Variants in CSGALNACT1 observed in about 807,000 individuals in gnomAD.
CSGALNACT1 encodes chondroitin sulfate N-acetylgalactosaminyltransferase 1, also known as beta4GalNAcT-1.
A neutral mutation model predicts 51.0 loss-of-function variants in CSGALNACT1; 52 were observed. The observed-to-expected ratio is 1.02, with a 90% CI of 0.82 to 1.29. The LOEUF is 1.29. Among genes scored for constraint, CSGALNACT1 ranks in the 50% most tolerant of loss-of-function variants. The pLI is 0.00. For synonymous variants in CSGALNACT1, 341 were observed against 254.4 expected (o/e 1.34, Z -3.24); for missense variants, 935 against 679.2 (o/e 1.38, Z -4.19).
At chr8:19,597,438 G>A (rs2049195115) in intron 2 of CSGALNACT1, among the ~76,000 whole-genome samples, 1 of 151,772 alleles carries the variant, frequency 6.6e-6, no homozygotes, top group South Asian at 2.1e-4. Context: ...GGGACTACAG[G>A]CATGAGCCAC....
In CSGALNACT1 at chr8:19,511,657, C is replaced by T. The variant is rs545542180; in HGVS notation, c.-296-5527G>A. On this transcript the variant is annotated intron_variant, in intron 3 of 9. Transcript: ENST00000454498. ...GGTCCCTGCCTCCTGGTATTCATAC[C>T]ACTGTGTGTCTGCTCCCACACTGTA... Among the ~76,000 whole-genome samples the T allele has an allele frequency of 1.6e-4, 25 of 152,238 alleles. No homozygotes were observed. The East Asian group carries it at 3.9e-3, about 24-fold the overall frequency.
At chr8:19,570,530 G>T (rs1280006052) in intron 3 of CSGALNACT1, among the ~76,000 whole-genome samples, 3 of 152,114 alleles carry the variant, frequency 2.0e-5, no homozygotes, top group Non-Finnish European at 2.9e-5. Flanking sequence ...AGAAAGGAGT[G>T]GTACCTCTGA....
chr8:19,448,744 C>T (rs1399354808), intron 5 of CSGALNACT1, among the ~76,000 whole-genome samples: 1 of 152,186 alleles, frequency 6.6e-6, no homozygotes, highest in Non-Finnish European at 1.5e-5. Context: ...CATCACCATT[C>T]TTTCCTGAGT....
chr8:19,577,059 C>G (rs958606567), intron 3 of CSGALNACT1, among the ~76,000 whole-genome samples: 4 of 149,080 alleles, frequency 2.7e-5, no homozygotes, highest in African/African-American at 1.0e-4. Flanking sequence ...CTCTGCTCCC[C>G]TTTGGGAAAG....
intron 4 of CSGALNACT1, among the ~76,000 whole-genome samples, chr8:19,461,583 T>C (rs1304962857): frequency 5.3e-5 from 7 of 131,342 alleles, no homozygotes; most frequent in African/African-American, 1.8e-4. Flanking sequence ...ACATTCACCA[T>C]GGGGGGCGTA....
exon 4 of CSGALNACT1, chr8:19,505,878 G>T: frequency 6.2e-7 from 1 of 1,601,864 alleles, no homozygotes; most frequent in Non-Finnish European, 8.5e-7. Flanking sequence ...ATCCCTCAAA[G>T]CCGGGGCCCC....
chr8:19,461,378 G>C (rs75767480), intron 4 of CSGALNACT1, among the ~76,000 whole-genome samples: 3,219 of 152,292 alleles, frequency 0.021, 99 homozygotes, highest in African/African-American at 0.073. Flanking sequence ...AATGAGGTGG[G>C]GCTGAGTCTG....
chr8:19,408,034 T>A (rs2054692634), intron 9 of CSGALNACT1, among the ~76,000 whole-genome samples: 1 of 152,130 alleles, frequency 6.6e-6, no homozygotes, highest in African/African-American at 2.4e-5. Context: ...TGGGTCTTTT[T>A]GAATATGTGC....
At chr8:19,563,738 C>T (rs983321557) in intron 3 of CSGALNACT1, among the ~76,000 whole-genome samples, 4 of 152,134 alleles carry the variant, frequency 2.6e-5, no homozygotes, top group Non-Finnish European at 5.9e-5. Flanking sequence ...TCAGCGGATC[C>T]AGCCTCCTAA....
intron 2 of CSGALNACT1, among the ~76,000 whole-genome samples, chr8:19,600,178 G>C (rs2050098474): frequency 6.6e-6 from 1 of 152,092 alleles, no homozygotes; most frequent in African/African-American, 2.4e-5. Flanking sequence ...CACCTCCCCT[G>C]TTCAAGCGAT....
intron 1 of CSGALNACT1, among the ~76,000 whole-genome samples, chr8:19,755,663 A>C (rs997023474): frequency 6.6e-6 from 1 of 152,154 alleles, no homozygotes; most frequent in African/African-American, 2.4e-5. Context: ...TAAGTGGAAG[A>C]AGCCGCCTGG....
intron 3 of CSGALNACT1, among the ~76,000 whole-genome samples, chr8:19,575,258 T>C (rs1371176187): frequency 1.3e-5 from 2 of 152,240 alleles, no homozygotes; most frequent in Non-Finnish European, 2.9e-5. Context: ...TACCACTAGC[T>C]GCACTCTGGT....
intron 1 of CSGALNACT1, among the ~76,000 whole-genome samples, chr8:19,624,746 T>G (rs1392273591): frequency 6.6e-6 from 1 of 151,894 alleles, no homozygotes; most frequent in Non-Finnish European, 1.5e-5. Context: ...TGGCGAGATC[T>G]CAGCTCACTG....
At chr8:19,701,914 CATCTT>C (rs752385843) in intron 1 of CSGALNACT1, among the ~76,000 whole-genome samples, 29 of 152,170 alleles carry the variant, frequency 1.9e-4, no homozygotes, top group Non-Finnish European at 3.4e-4. Context: ...CAGATATACT[CATCTT>C]AAAGCAGCTT....
chr8:19,480,183 G>A (rs1468113768), intron 4 of CSGALNACT1, among the ~76,000 whole-genome samples: 3 of 152,126 alleles, frequency 2.0e-5, no homozygotes, highest in African/African-American at 7.2e-5. Flanking sequence ...TCTGCCCCAG[G>A]AATTTATTGT....
chr8:19,752,440 T>C (rs1281020718), intron 1 of CSGALNACT1, among the ~76,000 whole-genome samples: 3 of 152,206 alleles, frequency 2.0e-5, no homozygotes, highest in Admixed American at 2.0e-4. Flanking sequence ...TATGTTGACC[T>C]ATTGACTGAT....
intron 1 of CSGALNACT1, among the ~76,000 whole-genome samples, chr8:19,624,705 G>A (rs919636089): frequency 6.6e-6 from 1 of 150,712 alleles, no homozygotes; most frequent in African/African-American, 2.5e-5. Context: ...TTGAGACAGA[G>A]TCTCGCTCTG....
chr8:19,619,282 A>C (rs796887987), intron 1 of CSGALNACT1, among the ~76,000 whole-genome samples: 4 of 151,782 alleles, frequency 2.6e-5, no homozygotes, highest in African/African-American at 9.7e-5. Context: ...AAGCACAGAC[A>C]TGAGAAAGCA....
intron 5 of CSGALNACT1, among the ~76,000 whole-genome samples, chr8:19,446,320 A>C (rs1385982590): frequency 6.6e-6 from 1 of 152,160 alleles, no homozygotes; most frequent in African/African-American, 2.4e-5. Context: ...CTTGCCTCTG[A>C]TAGCACTTCT....
Sources: gnomAD v4.1 joint callset for allele counts (sites outside exome capture counted in the v4.1 genomes callset) on GRCh38, gnomAD v4.1.1 for gene constraint, MANE v1.5 for transcripts, NCBI Gene and HGNC (gene_info 2026-07-23, HGNC 2026-07-21) for gene names.